Variants in ANKS1B observed in about 807,000 individuals in gnomAD.
ANKS1B encodes ankyrin repeat and sterile alpha motif domain containing 1B.
In ANKS1B, 36 loss-of-function variants were observed where a neutral mutation model predicts 148.3. The ratio of observed to expected loss-of-function variants is 0.24; its 90% CI spans 0.19 to 0.32. The LOEUF (loss-of-function observed/expected upper bound fraction) is 0.32. ANKS1B is among the 10% of genes least tolerant of loss of function. The pLI, the probability that ANKS1B is intolerant of heterozygous loss-of-function variation, is 1.00. For missense variants in ANKS1B, 1,157 were observed against 1,542.6 expected (o/e 0.75, Z 4.19); for synonymous variants, 542 against 560.8 (o/e 0.97, Z 0.47).
At chr12:99,244,138 GA>G (rs967757808) in intron 14 of ANKS1B, among the ~76,000 whole-genome samples, 1 of 151,592 alleles carries the variant, frequency 6.6e-6, no homozygotes, top group Non-Finnish European at 1.5e-5. Context: ...TAGCACATGG[GA>G]AAAAATCCTC....
At chr12:99,211,042 T>C (rs1221108167) in intron 14 of ANKS1B, among the ~76,000 whole-genome samples, 3 of 152,144 alleles carry the variant, frequency 2.0e-5, no homozygotes, top group East Asian at 1.9e-4. Flanking sequence ...ACCAACCTAA[T>C]AGAATGGCAA....
rs2099005708 is a variant in ANKS1B at position 98,801,646 on chromosome 12, G to T, written c.3142-521C>A. ...AAATTTAAAAGAAAAATTTACTAAT[G>T]GGTGACACTAATTTCTCTCATCTGA... On this transcript the variant is annotated intron_variant, in intron 20 of 26. Coordinates refer to ENST00000683438, the MANE Select transcript of ANKS1B (RefSeq NM_001352186.2). The surrounding 1 kb of genome is among the most constrained non-coding windows in gnomAD (Gnocchi z 5.2). Among the ~76,000 whole-genome samples, 1 of 152,170 alleles carries T rather than the reference G, an allele frequency of 6.6e-6. No homozygotes were observed. Among genetic ancestry groups the T allele is most frequent in the Admixed American group, 6.5e-5 (1 of 15,280 alleles).
intron 1 of ANKS1B, among the ~76,000 whole-genome samples, chr12:99,870,086 C>T (rs543001203): frequency 1.3e-5 from 2 of 152,286 alleles, no homozygotes; most frequent in South Asian, 4.1e-4. Context: ...TCAACTCTTG[C>T]TCCGCCGTCA....
intron 9 of ANKS1B, among the ~76,000 whole-genome samples, chr12:99,607,496 G>C (rs184187136): frequency 2.0e-5 from 3 of 151,786 alleles, no homozygotes; most frequent in Admixed American, 1.3e-4. Context: ...TAACATACCT[G>C]TTTGATCAGC....
chr12:99,665,203 GTGTT>G (rs2098499895), intron 8 of ANKS1B, among the ~76,000 whole-genome samples: 1 of 152,162 alleles, frequency 6.6e-6, no homozygotes, highest in African/African-American at 2.4e-5. Flanking sequence ...GTTTTCCAAA[GTGTT>G]TGTACCATTT....
At chr12:99,839,860 G>T (rs1277078136) in intron 1 of ANKS1B, among the ~76,000 whole-genome samples, 3 of 151,926 alleles carry the variant, frequency 2.0e-5, no homozygotes, top group Middle Eastern at 3.2e-3. Flanking sequence ...AAGTAATTTA[G>T]TTCTTTATTA....
At chr12:99,604,130 T>C (rs2097829957) in intron 9 of ANKS1B, among the ~76,000 whole-genome samples, 1 of 152,136 alleles carries the variant, frequency 6.6e-6, no homozygotes, top group African/African-American at 2.4e-5. Context: ...GTTAGAAATC[T>C]GTTAAGAGTT....
intron 17 of ANKS1B, among the ~76,000 whole-genome samples, chr12:98,890,817 C>A (rs2099751071): frequency 6.6e-6 from 1 of 152,102 alleles, no homozygotes; most frequent in Non-Finnish European, 1.5e-5. Flanking sequence ...AAACCTAGCC[C>A]CGTCCCATGT....
At chr12:99,979,240 A>G (rs187604944) in intron 1 of ANKS1B, among the ~76,000 whole-genome samples, 27 of 152,292 alleles carry the variant, frequency 1.8e-4, no homozygotes, top group Non-Finnish European at 3.1e-4. Context: ...TATAACTGCA[A>G]GCAAACACAA....
chr12:99,243,514 A>G (rs1354471316), intron 14 of ANKS1B, among the ~76,000 whole-genome samples: 1 of 152,248 alleles, frequency 6.6e-6, no homozygotes, highest in Non-Finnish European at 1.5e-5. Flanking sequence ...TGACCCAGCC[A>G]TCCCATTACT....
At chr12:99,625,880 C>T (rs915401954) in intron 9 of ANKS1B, among the ~76,000 whole-genome samples, 7 of 152,044 alleles carry the variant, frequency 4.6e-5, no homozygotes, top group Non-Finnish European at 8.8e-5. Context: ...GAATTGGTTT[C>T]TAGTGGTGGC....
At chr12:99,357,130 A>G (rs1438762045) in intron 12 of ANKS1B, among the ~76,000 whole-genome samples, 1 of 152,068 alleles carries the variant, frequency 6.6e-6, no homozygotes, top group Non-Finnish European at 1.5e-5. Context: ...ATCTATTTAT[A>G]ACACTTTTTA....
At chr12:99,036,850 A>G (rs1397216096) in intron 17 of ANKS1B, among the ~76,000 whole-genome samples, 2 of 152,210 alleles carry the variant, frequency 1.3e-5, no homozygotes, top group Non-Finnish European at 2.9e-5. Flanking sequence ...CAAAGGCAGG[A>G]GTAATTGACA....
At chr12:99,971,607 A>C (rs2095559185) in intron 1 of ANKS1B, among the ~76,000 whole-genome samples, 2 of 119,856 alleles carry the variant, frequency 1.7e-5, no homozygotes, top group African/African-American at 3.8e-5. Context: ...AATTCAGGCC[A>C]AAAAAAAAAA....
intron 14 of ANKS1B, among the ~76,000 whole-genome samples, chr12:99,222,732 G>A (rs1047196837): frequency 1.3e-5 from 2 of 152,150 alleles, no homozygotes; most frequent in African/African-American, 4.8e-5. Context: ...GATATGAATT[G>A]TTGTTGATCT....
intron 17 of ANKS1B, among the ~76,000 whole-genome samples, chr12:99,036,756 A>G (rs2099955807): frequency 6.6e-6 from 1 of 152,228 alleles, no homozygotes; most frequent in Non-Finnish European, 1.5e-5. Context: ...AGGAAGGAAG[A>G]TATCCACAAA....
At chr12:99,628,991 T>C (rs1160249113) in intron 9 of ANKS1B, among the ~76,000 whole-genome samples, 1 of 152,218 alleles carries the variant, frequency 6.6e-6, no homozygotes, top group Non-Finnish European at 1.5e-5. Flanking sequence ...TTTGTAGACC[T>C]GAGGTCAGCC....
chr12:99,767,715 G>A (rs1355521783), intron 8 of ANKS1B, among the ~76,000 whole-genome samples: 1 of 151,934 alleles, frequency 6.6e-6, no homozygotes, highest in African/African-American at 2.4e-5. Flanking sequence ...CTTAGAAAAT[G>A]GTTTCAGATG....
intron 9 of ANKS1B, among the ~76,000 whole-genome samples, chr12:99,556,958 T>A (rs1459117851): frequency 6.6e-6 from 1 of 152,214 alleles, no homozygotes; most frequent in Non-Finnish European, 1.5e-5. Context: ...GTCTATTAAG[T>A]CCATTTAGTC....
Sources: allele counts gnomAD v4.1 joint callset (sites outside exome capture counted in the v4.1 genomes callset), GRCh38; gene constraint gnomAD v4.1.1; non-coding constraint Gnocchi (gnomAD v3.1); transcripts MANE v1.5; gene names NCBI Gene and HGNC (gene_info 2026-07-23, HGNC 2026-07-21).